The following SMC2 variants were observed in gnomAD, a reference collection of about 807,000 sequenced individuals.
SMC2 encodes the protein structural maintenance of chromosomes protein 2.
Under a neutral mutation model 142.6 loss-of-function variants are expected in SMC2, and 41 were observed. The observed-to-expected ratio is 0.29, with a 90% confidence interval of 0.22 to 0.37. SMC2 has a LOEUF of 0.37. Ranked by LOEUF, SMC2 falls within the 10% of genes least tolerant of loss-of-function variation. The pLI is 1.00. For synonymous variants in SMC2, 463 were observed against 457.5 expected (o/e 1.01, Z -0.15); for missense variants, 1,265 against 1,373.7 (o/e 0.92, Z 1.25).
At chr9:104,096,682 T>C (rs759015425) in intron 3 of SMC2, among the ~76,000 whole-genome samples, 1 of 152,254 alleles carries the variant, frequency 6.6e-6, no homozygotes, top group Non-Finnish European at 1.5e-5. Flanking sequence ...CAGAGTCTGC[T>C]GTCTTCAAAT....
chr9:104,103,338 A>G (rs1015653264), intron 9 of SMC2, among the ~76,000 whole-genome samples: 16 of 152,200 alleles, frequency 1.1e-4, no homozygotes, highest in Admixed American at 6.5e-5. Context: ...AAAAGTGAAT[A>G]TAGATAACTT....
At position 104,094,464 on chromosome 9, in the gene SMC2, G is replaced by A. The variant is rs1157414667; in HGVS notation, c.-75G>A. 2.5e-6 allele frequency: 1 copy of A among 397,982 alleles called. No homozygotes were observed. The highest frequency in any genetic ancestry group is 4.4e-6 in the Non-Finnish European group (1 of 225,796). 24.7% of individuals were successfully genotyped at this position (397,982 alleles called of 1,614,324 possible). ...AGCTTTTGGGGTGCGTCAAGCCCCT[G>A]GCCTGAGGCAGCGGTGAGGCGTGTG... On this transcript the variant is annotated 5_prime_UTR_variant, in exon 1 of 25. Transcript: ENST00000374793.
At chr9:104,138,248 A>C (rs953834107) in intron 24 of SMC2, 83 bp downstream of exon 24, 212 of 1,136,064 alleles carry the variant, frequency 1.9e-4, no homozygotes, top group Non-Finnish European at 2.2e-4. Flanking sequence ...AGTCAATGTT[A>C]ATAAGATATT....
intron 14 of SMC2, 114 bp from the exon 15 acceptor site, chr9:104,118,057 G>T: frequency 2.7e-6 from 2 of 730,750 alleles, no homozygotes; most frequent in South Asian, 2.5e-5. Context: ...GAGTTTTAAT[G>T]CTAGGTAAGT....
At chr9:104,098,146 A>G (rs902573354) in intron 3 of SMC2, among the ~76,000 whole-genome samples, 2 of 152,252 alleles carry the variant, frequency 1.3e-5, no homozygotes, top group African/African-American at 2.4e-5. Context: ...AGTGTGTTTT[A>G]CATATACTTG....
In SMC2 at chr9:104,095,517, A is replaced by G. The variant is rs769012155; in HGVS notation, c.133A>G (p.Ile45Val). 1.6e-5 allele frequency: 26 copies of G among 1,614,014 alleles called. No individual in the cohort carries two copies. The highest frequency in any genetic ancestry group is 2.2e-5 in the Non-Finnish European group (26 of 1,179,990). Residue 45 changes from isoleucine (I) to valine (V), a missense_variant, in exon 2 of 25, where the codon ATC becomes GTC. Transcript: ENST00000374793. ...TGGGAAATCCAACATATTGGACTCC[A>G]TCTGCTTTTTGCTGGGCATCTCCAA... Reference protein sequence around the residue: ...GSGKSNILDSICFLLGISNLS... With the variant: ...GSGKSNILDSVCFLLGISNLS...
chr9:104,121,357 G>C (rs1287787510), intron 16 of SMC2, among the ~76,000 whole-genome samples: 5 of 151,932 alleles, frequency 3.3e-5, no homozygotes, highest in Admixed American at 3.3e-4. Flanking sequence ...TTAGTCAGGC[G>C]TGGTGGCATG....
chr9:104,135,358 G>T (rs1458092405), intron 23 of SMC2, among the ~76,000 whole-genome samples: 2 of 152,038 alleles, frequency 1.3e-5, no homozygotes, highest in Admixed American at 1.3e-4. Flanking sequence ...TACTGTAAAA[G>T]AAAAATCAGT....
In SMC2 at chr9:104,094,476, C is replaced by T. The variant is rs1026977847; in HGVS notation, c.-63C>T. On this transcript the variant is annotated splice_region_variant and 5_prime_UTR_variant, in exon 1 of 25. Transcript: ENST00000374793. ...GCGTCAAGCCCCTGGCCTGAGGCAG[C>T]GGTGAGGCGTGTGCGTGAGCACGGC... is the stretch of plus-strand genomic sequence containing the variant. 9.5e-6 allele frequency: 2 copies of T among 210,592 alleles called. No homozygotes were observed. Among genetic ancestry groups the T allele is most frequent in the East Asian group, 4.2e-4 (2 of 4,794 alleles). 13.0% of individuals were successfully genotyped at this position (210,592 alleles called of 1,614,324 possible).
In SMC2 at chr9:104,096,165, A is replaced by G; in HGVS notation, c.186A>G (p.Leu62=). ...TATTTTAGGTTCGGGCTTCTAATTT[A>G]CAAGATTTAGTTTACAAAAATGGGC... is the stretch of plus-strand genomic sequence containing the variant. The part of the protein sequence containing the change: ...SNLSQVRASN[L]QDLVYKNGQA... The change falls in exon 3 of 25, where the codon TTA becomes TTG. Residue 62 remains leucine (L), a synonymous_variant. Coordinates refer to ENST00000374793, the MANE Select transcript of SMC2 (RefSeq NM_006444.3). 6.2e-7 allele frequency: 1 copy of G among 1,613,070 alleles called. No individual in the cohort carries two copies. Among genetic ancestry groups the G allele is most frequent in the African/African-American group, 1.3e-5 (1 of 74,968 alleles).
chr9:104,126,573 T>C (rs1156662965), intron 18 of SMC2, 68 bp from the exon 19 acceptor site: 19 of 1,172,940 alleles, frequency 1.6e-5, no homozygotes, highest in East Asian at 2.5e-5. Flanking sequence ...TATTTAATTG[T>C]TCTGTACATA....
chr9:104,116,488 A>AGACTT (rs1218015303), intron 14 of SMC2, among the ~76,000 whole-genome samples, 169 bp downstream of exon 14: 1 of 152,160 alleles, frequency 6.6e-6, no homozygotes, highest in Non-Finnish European at 1.5e-5. Flanking sequence ...AGATGTTGGA[A>AGACTT]GACTTGAACT....
At chr9:104,123,073 GAC>G in intron 16 of SMC2, 33 bp from the exon 17 acceptor site, 1 of 1,581,148 alleles carries the variant, frequency 6.3e-7, no homozygotes, top group Non-Finnish European at 8.6e-7. Flanking sequence ...CCAGAAAAAT[GAC>G]AGTCATTTCT....
At chr9:104,110,618 CTTTA>C (rs10564769) in intron 9 of SMC2, among the ~76,000 whole-genome samples, 134,360 of 151,806 alleles carry the variant, frequency 0.89, 59,847 homozygotes, top group African/African-American at 0.97. Context: ...GAATCTAAGT[CTTTA>C]TTTACCATGG....
intron 15 of SMC2, among the ~76,000 whole-genome samples, chr9:104,119,571 C>G (rs1006105657): frequency 6.6e-6 from 1 of 152,188 alleles, no homozygotes; most frequent in African/African-American, 2.4e-5. Context: ...CCTTTCTGCT[C>G]AGTGCTATTC....
At chr9:104,110,763 C>T (rs1832347451) in intron 9 of SMC2, among the ~76,000 whole-genome samples, 1 of 152,176 alleles carries the variant, frequency 6.6e-6, no homozygotes, top group South Asian at 2.1e-4. Flanking sequence ...AGTATTTGCG[C>T]AGTCACTCCT....
rs556863095 is a variant in SMC2, at chr9:104,109,785, CAA to C, written c.1021-1793_1021-1792del. ...AAGAAGTTAAGTTGTCATAAATGCA[CAA>C]AATATATTTAGGTACTAGTCTATTT... On this transcript the variant is annotated intron_variant, in intron 9 of 24. Transcript: ENST00000374793. 3.3e-5 allele frequency among the ~76,000 whole-genome samples: 5 copies of C among 152,074 alleles called. No homozygotes were observed. In the South Asian group the frequency reaches 8.3e-4, roughly 25 times the overall value.
Position 104,123,231 on chromosome 9 carries a change from T to C in SMC2, c.2256T>C (p.Ile752=), listed in dbSNP as rs750423708. 1 of 1,611,644 alleles carries C rather than the reference T, an allele frequency of 6.2e-7. No individual in the cohort carries two copies. Among genetic ancestry groups the C allele is most frequent in the Non-Finnish European group, 8.5e-7 (1 of 1,178,810 alleles). ...QEELDALKKT[I]EESEETLKNT... The stretch of plus-strand genomic sequence containing the variant: ...AATTAGATGCCCTTAAAAAAACCAT[T>C]GGTAAGATGAAAACAGTCCATGCTT... The change falls in exon 17 of 25, where the codon ATT becomes ATC. Residue 752 remains isoleucine, a splice_region_variant and synonymous_variant. Transcript: ENST00000374793.
At chr9:104,094,535 CGGGAGGCG>C in intron 1 of SMC2, 58 bp downstream of exon 1, 1 of 229,524 alleles carries the variant, frequency 4.4e-6, no homozygotes, top group Non-Finnish European at 7.4e-6. Context: ...TGGCGGGAGG[CGGGAGGCG>C]GGAGGCGGGG....
Sources: allele counts gnomAD v4.1 joint callset (sites outside exome capture counted in the v4.1 genomes callset), GRCh38; gene constraint gnomAD v4.1.1; transcripts MANE v1.5; gene names NCBI Gene and HGNC (gene_info 2026-07-23, HGNC 2026-07-21).